CCSER1: variants seen among roughly 807,000 people sequenced by gnomAD.
CCSER1 encodes coiled-coil serine rich protein 1, also known as serine-rich coiled-coil domain-containing protein 1.
In CCSER1, 41 loss-of-function variants were observed where a neutral mutation model predicts 82.0. That is an observed-to-expected ratio of 0.50 (90% CI 0.39 to 0.65). The LOEUF (loss-of-function observed/expected upper bound fraction) is 0.65, where lower values mean the gene tolerates loss of function less well. Ranked by LOEUF, CCSER1 falls within the 30% of genes least tolerant of loss-of-function variation. The pLI is 0.00. For synonymous variants in CCSER1, 414 were observed against 383.9 expected, an observed-to-expected ratio of 1.08 and a Z score of -0.92; for missense variants, 1,119 against 1,064.2, an observed-to-expected ratio of 1.05 and a Z score of -0.72.
chr4:91,484,055 T>TCA (rs376721804), intron 10 of CCSER1, among the ~76,000 whole-genome samples: 2 of 130,968 alleles, frequency 1.5e-5, no homozygotes, highest in East Asian at 4.4e-4. Flanking sequence ...GCCTATTCTC[T>TCA]AAAAAAAAAA....
chr4:91,292,608 ACAAGCAGAT>A (rs1280904291), intron 10 of CCSER1, among the ~76,000 whole-genome samples: 34 of 152,146 alleles, frequency 2.2e-4, no homozygotes, highest in Middle Eastern at 6.8e-3. Flanking sequence ...TTCTTAAAGA[ACAAGCAGAT>A]CAGGGACTTC....
At chr4:91,136,971 A>G (rs1728526831) in intron 10 of CCSER1, among the ~76,000 whole-genome samples, 1 of 152,020 alleles carries the variant, frequency 6.6e-6, no homozygotes, top group Non-Finnish European at 1.5e-5. Context: ...TAGGGAATTC[A>G]AAAATTCACT....
chr4:90,506,252 T>G (rs566116774), intron 5 of CCSER1, among the ~76,000 whole-genome samples: 1 of 152,308 alleles, frequency 6.6e-6, no homozygotes, highest in African/African-American at 2.4e-5. Flanking sequence ...TTTTTCAGAA[T>G]TTTCATCTAG....
At chr4:90,894,701 T>G (rs933127596) in intron 8 of CCSER1, among the ~76,000 whole-genome samples, 7 of 151,910 alleles carry the variant, frequency 4.6e-5, no homozygotes, top group African/African-American at 1.7e-4. Context: ...CTTCTCTTCT[T>G]CCTCCATTAT....
intron 6 of CCSER1, 89 bp downstream of exon 6, chr4:90,628,321 A>G: frequency 1.0e-6 from 1 of 985,406 alleles, no homozygotes; most frequent in Admixed American, 2.0e-5. Context: ...GTCAGTAATT[A>G]ACTACATGAC....
chr4:90,378,082 T>G (rs1748646089), intron 3 of CCSER1, among the ~76,000 whole-genome samples: 1 of 152,196 alleles, frequency 6.6e-6, no homozygotes, highest in African/African-American at 2.4e-5. Context: ...GAACATGTAT[T>G]ATTTATTGAA....
chr4:90,799,557 ACTGCCCTGCAAG>A (rs760064103), intron 7 of CCSER1, among the ~76,000 whole-genome samples: 2 of 152,040 alleles, frequency 1.3e-5, no homozygotes, highest in Non-Finnish European at 2.9e-5. Flanking sequence ...GTAACCCGAG[ACTGCCCTGCAAG>A]CAGTCATGGC....
At chr4:90,495,715 T>G (rs958538652) in intron 5 of CCSER1, among the ~76,000 whole-genome samples, 2 of 152,216 alleles carry the variant, frequency 1.3e-5, no homozygotes, top group African/African-American at 4.8e-5. Flanking sequence ...CTGTGAATTA[T>G]AGCAGAGATC....
intron 8 of CCSER1, among the ~76,000 whole-genome samples, chr4:90,857,636 A>ATGGGTT (rs1028137191): frequency 4.6e-5 from 7 of 152,048 alleles, no homozygotes; most frequent in African/African-American, 1.7e-4. Flanking sequence ...GACATAGATT[A>ATGGGTT]TGGGTTTTTC....
At chr4:91,348,868 A>C (rs72880809) in intron 10 of CCSER1, among the ~76,000 whole-genome samples, 10,035 of 152,038 alleles carry the variant, frequency 0.066, 1,096 homozygotes, top group African/African-American at 0.23. Context: ...AGAGGTTGAA[A>C]CAGATTTTGA....
chr4:90,566,968 G>T (rs1441349088), intron 5 of CCSER1, among the ~76,000 whole-genome samples: 2 of 150,336 alleles, frequency 1.3e-5, no homozygotes, highest in Non-Finnish European at 3.0e-5. Flanking sequence ...TGAGTCTTCT[G>T]TCTTTTCTGT....
chr4:90,361,389 T>G (rs1282601078), intron 3 of CCSER1, among the ~76,000 whole-genome samples: 1 of 152,244 alleles, frequency 6.6e-6, no homozygotes, highest in Non-Finnish European at 1.5e-5. Flanking sequence ...AATTACAACT[T>G]ACTTTCTTCT....
At chr4:90,975,162 C>A (rs533177131) in intron 9 of CCSER1, among the ~76,000 whole-genome samples, 3 of 151,092 alleles carry the variant, frequency 2.0e-5, no homozygotes, top group African/African-American at 7.3e-5. Context: ...TCAGAATAGG[C>A]AAATTTATGG....
chr4:91,030,958 A>G (rs1176960222), intron 9 of CCSER1, among the ~76,000 whole-genome samples: 1 of 152,144 alleles, frequency 6.6e-6, no homozygotes, highest in Non-Finnish European at 1.5e-5. Context: ...TCATGGTCAC[A>G]CCTTCTGTCT....
At position 91,600,348 on chromosome 4, in the gene CCSER1, A is replaced by T. The variant is rs918084647; in HGVS notation, c.*1291A>T. 18 of 152,266 alleles carry T rather than the reference A, an allele frequency of 1.2e-4. No homozygotes were observed. The highest frequency in any genetic ancestry group is 1.0e-3 in the Admixed American group (16 of 15,268). The allele number at this position is 152,266 out of a possible 1,614,324, so 9.4% of individuals were successfully genotyped here. A position where few individuals can be genotyped will look rare whatever the true frequency, so the allele number is the denominator to read the frequency against. ...GTACAATTGAATACATAAATAAATA[A>T]TTTTTAAAAGACTAATAGGAATCAA... On this transcript the variant is annotated 3_prime_UTR_variant, in exon 11 of 11. Coordinates refer to ENST00000509176, the MANE Select transcript of CCSER1 (RefSeq NM_001145065.2).
intron 5 of CCSER1, among the ~76,000 whole-genome samples, chr4:90,490,897 C>A (rs1394975641): frequency 1.3e-5 from 2 of 152,090 alleles, no homozygotes; most frequent in Non-Finnish European, 2.9e-5. Context: ...GTTTTGGTAC[C>A]AGTACCATGC....
At position 90,300,618 on chromosome 4, in the gene CCSER1, A is replaced by G. The variant is rs550928369; in HGVS notation, c.-41-7626A>G. 5.9e-5 allele frequency among the ~76,000 whole-genome samples: 9 copies of G among 152,244 alleles called. No homozygotes were observed. In the East Asian group the frequency reaches 1.7e-3, roughly 29 times the overall value. On this transcript the variant is annotated intron_variant, in intron 1 of 10. Coordinates refer to ENST00000509176, the MANE Select transcript of CCSER1 (RefSeq NM_001145065.2). ...TCATTAGCTCTGACTCATAATGAAA[A>G]AATATGAGGGGTGTCCAAATTCTAG...
intron 10 of CCSER1, among the ~76,000 whole-genome samples, chr4:91,517,945 A>T (rs555352886): frequency 1.9e-4 from 29 of 152,180 alleles, no homozygotes; most frequent in African/African-American, 7.0e-4. Context: ...GAAGTTTGGG[A>T]TGTGAACTAG....
At chr4:91,523,431 A>G (rs1578691733) in intron 10 of CCSER1, among the ~76,000 whole-genome samples, 1 of 152,300 alleles carries the variant, frequency 6.6e-6, no homozygotes, top group African/African-American at 2.4e-5. Flanking sequence ...GTTGACTGGC[A>G]TAGTTTCAGA....
Sources: allele counts gnomAD v4.1 joint callset (sites outside exome capture counted in the v4.1 genomes callset), GRCh38; gene constraint gnomAD v4.1.1; transcripts MANE v1.5; gene names NCBI Gene and HGNC (gene_info 2026-07-23, HGNC 2026-07-21).